The following KLHDC4 variants were observed in gnomAD, a reference collection of about 807,000 sequenced individuals.
The protein encoded by KLHDC4 is kelch domain-containing protein 4.
Under a neutral mutation model 62.4 loss-of-function variants are expected in KLHDC4, and 90 were observed. That is an observed-to-expected ratio of 1.44 (90% CI 1.22 to 1.72). KLHDC4 has a LOEUF of 1.72. KLHDC4 is among the 40% of genes most tolerant of loss of function. The probability of loss-of-function intolerance (pLI) is 0.00; values close to 1 mark genes in which losing one functional copy is unlikely to be tolerated. For synonymous variants in KLHDC4, 386 were observed against 284.4 expected (o/e 1.36, Z -3.59); for missense variants, 1,025 against 699.7 (o/e 1.47, Z -5.25).
chr16:87,723,008 C>T (rs901900931), intron 7 of KLHDC4, among the ~76,000 whole-genome samples: 1 of 152,206 alleles, frequency 6.6e-6, no homozygotes, highest in Non-Finnish European at 1.5e-5. Context: ...GCCTGGGCCG[C>T]GCAGCAGCAC....
intron 4 of KLHDC4, among the ~76,000 whole-genome samples, chr16:87,749,957 G>A (rs1356744068): frequency 6.6e-6 from 1 of 152,188 alleles, no homozygotes; most frequent in Non-Finnish European, 1.5e-5. Context: ...GATGCCCTCT[G>A]GGCCACACAC....
At chr16:87,749,711 G>C (rs2143107810) in intron 4 of KLHDC4, among the ~76,000 whole-genome samples, 1 of 152,282 alleles carries the variant, frequency 6.6e-6, no homozygotes, top group East Asian at 1.9e-4. Context: ...AGCCTCCTGA[G>C]TAGCTTGGAC....
At chr16:87,716,794 C>G (rs554101570) in intron 7 of KLHDC4, among the ~76,000 whole-genome samples, 1 of 152,198 alleles carries the variant, frequency 6.6e-6, no homozygotes, top group Non-Finnish European at 1.5e-5. Flanking sequence ...TAGCCAGGCA[C>G]AGTGGCAGGC....
At chr16:87,742,709 A>G (rs2042408856) in intron 5 of KLHDC4, among the ~76,000 whole-genome samples, 3 of 152,042 alleles carry the variant, frequency 2.0e-5, no homozygotes, top group South Asian at 4.1e-4. Flanking sequence ...TGGGCTCCCT[A>G]GGGTCTACGT....
intron 5 of KLHDC4, chr16:87,739,938 C>T (rs979006369): frequency 1.3e-5 from 2 of 152,218 alleles, no homozygotes; most frequent in African/African-American, 4.8e-5. Context: ...ATGCTAAAGA[C>T]CAATGAATGA....
intron 7 of KLHDC4, among the ~76,000 whole-genome samples, chr16:87,724,285 A>G: frequency 6.6e-6 from 1 of 152,236 alleles, no homozygotes; most frequent in East Asian, 1.9e-4. Flanking sequence ...TTAGAGAAAA[A>G]TAAAAGAAAA....
At chr16:87,706,110 G>A (rs1049105341), downstream of KLHDC4, among the ~76,000 whole-genome samples, 12 of 140,666 alleles carry the variant, frequency 8.5e-5, no homozygotes, top group South Asian at 2.4e-4. Context: ...GCGGGCTGCC[G>A]GCGCAAAAGC....
At chr16:87,708,495 C>A in intron 10 of KLHDC4, 29 bp from the exon 11 acceptor site, 5 of 1,546,608 alleles carry the variant, frequency 3.2e-6, no homozygotes, top group Non-Finnish European at 4.4e-6. Flanking sequence ...CGCACATACA[C>A]GTCAGCGCAG....
At chr16:87,710,360 G>C (rs1240247114) in intron 9 of KLHDC4, 1 of 152,364 alleles carries the variant, frequency 6.6e-6, no homozygotes, top group Non-Finnish European at 1.5e-5. Flanking sequence ...ATTTTCCAAG[G>C]ATCACTACCT....
chr16:87,714,618 G>A, intron 7 of KLHDC4, 45 bp from the exon 8 acceptor site: 2 of 1,605,968 alleles, frequency 1.2e-6, no homozygotes, highest in African/African-American at 1.3e-5. Flanking sequence ...CAGCTACAGT[G>A]GTTGCTTACA....
At chr16:87,732,463 T>C (rs1232225581) in intron 5 of KLHDC4, among the ~76,000 whole-genome samples, 1 of 152,178 alleles carries the variant, frequency 6.6e-6, no homozygotes, top group Non-Finnish European at 1.5e-5. Flanking sequence ...TTGAATTTTA[T>C]TGTAATTATG....
chr16:87,721,414 TAAAAAAAAAAAA>T (rs1176744434), intron 7 of KLHDC4, among the ~76,000 whole-genome samples: 1 of 78,902 alleles, frequency 1.3e-5, no homozygotes, highest in Non-Finnish European at 2.4e-5. Context: ...ACTCTGTCTC[TAAAAAAAAAAAA>T]AAAAAAAAAA....
At chr16:87,701,072 G>GA (rs2034122555) in exon 1 of KLHDC4, 3 of 187,588 alleles carry the variant, frequency 1.6e-5, no homozygotes, top group South Asian at 1.9e-4. Context: ...TGCATTTGTT[G>GA]AAAAAAAGCC....
At chr16:87,715,624 C>G (rs2036807677) in intron 7 of KLHDC4, among the ~76,000 whole-genome samples, 2 of 152,192 alleles carry the variant, frequency 1.3e-5, no homozygotes, top group Admixed American at 6.5e-5. Flanking sequence ...TGCCCCTCTA[C>G]TGGGACTGTC....
At chr16:87,724,123 C>T (rs987121251) in intron 7 of KLHDC4, among the ~76,000 whole-genome samples, 1 of 152,190 alleles carries the variant, frequency 6.6e-6, no homozygotes, top group African/African-American at 2.4e-5. Context: ...CAGGCGTGAG[C>T]CACTGTGCTC....
intron 4 of KLHDC4, among the ~76,000 whole-genome samples, chr16:87,753,345 G>C (rs1002048035): frequency 6.6e-6 from 1 of 152,228 alleles, no homozygotes; most frequent in Non-Finnish European, 1.5e-5. Flanking sequence ...CAGACGAGGT[G>C]AAAAGATGTC....
rs1567711972 is a variant in KLHDC4 at position 87,725,761 on chromosome 16, C to T, written c.759+1004G>A. ...AGGCACATGTGAGGAGCACACACTC[C>T]ACGAGCAGATGCCAGTACACGTGCA... On this transcript the variant is annotated intron_variant, in intron 7 of 11. Coordinates refer to ENST00000270583, the MANE Select transcript of KLHDC4 (RefSeq NM_017566.4). 3.3e-5 allele frequency among the ~76,000 whole-genome samples: 5 copies of T among 152,172 alleles called. No homozygotes were observed. In the South Asian group the frequency reaches 8.3e-4, roughly 25 times the overall value.
intron 1 of KLHDC4, 143 bp downstream of exon 1, chr16:87,765,649 C>T: frequency 1.4e-6 from 1 of 730,514 alleles, no homozygotes; most frequent in South Asian, 1.9e-5. Context: ...GACGCGGCGC[C>T]GGGGCAGTTC....
chr16:87,725,790 C>A (rs1484404137), intron 7 of KLHDC4, among the ~76,000 whole-genome samples: 1 of 152,184 alleles, frequency 6.6e-6, no homozygotes, highest in Non-Finnish European at 1.5e-5. Flanking sequence ...ACGTGCAGAG[C>A]ACACGCCCCA....
Sources: allele counts gnomAD v4.1 joint callset (sites outside exome capture counted in the v4.1 genomes callset), GRCh38; gene constraint gnomAD v4.1.1; transcripts MANE v1.5; gene names NCBI Gene and HGNC (gene_info 2026-07-23, HGNC 2026-07-21).